The following RASGRF1 variants were observed in gnomAD, a reference collection of about 807,000 sequenced individuals.
RASGRF1 encodes ras-specific guanine nucleotide-releasing factor 1.
Under a neutral mutation model 138.7 loss-of-function variants are expected in RASGRF1, and 40 were observed. The observed-to-expected ratio is 0.29, with a 90% CI of 0.22 to 0.38. The LOEUF is 0.38. Ranked by LOEUF, RASGRF1 falls within the 10% of genes least tolerant of loss-of-function variation. RASGRF1 has a pLI of 1.00. For missense variants in RASGRF1, 1,108 were observed against 1,650.4 expected (o/e 0.67, Z 5.69); for synonymous variants, 614 against 663.2 (o/e 0.93, Z 1.14).
At chr15:79,029,574 A>G (rs1448469856) in intron 8 of RASGRF1, among the ~76,000 whole-genome samples, 1 of 152,088 alleles carries the variant, frequency 6.6e-6, no homozygotes, top group East Asian at 1.9e-4. Flanking sequence ...AGCCCTGGAA[A>G]TGATGATTTG....
chr15:78,975,391 G>C (rs1384031896), intron 24 of RASGRF1, among the ~76,000 whole-genome samples: 2 of 126,588 alleles, frequency 1.6e-5, no homozygotes, highest in Non-Finnish European at 3.2e-5. Flanking sequence ...TGTGCTTTGT[G>C]ATTAAAAAAA....
intron 11 of RASGRF1, among the ~76,000 whole-genome samples, chr15:79,018,982 A>G (rs1323961333): frequency 6.6e-6 from 1 of 152,120 alleles, no homozygotes; most frequent in African/African-American, 2.4e-5. Context: ...CCCTTGGGGA[A>G]CCACTTGATT....
At chr15:78,965,138 G>A (rs1452831480) in intron 26 of RASGRF1, among the ~76,000 whole-genome samples, 1 of 152,198 alleles carries the variant, frequency 6.6e-6, no homozygotes, top group African/African-American at 2.4e-5. Flanking sequence ...AGGATCATGG[G>A]TTTCTTACTA....
At chr15:79,056,560 G>A (rs1595946646) in intron 3 of RASGRF1, among the ~76,000 whole-genome samples, 1 of 152,182 alleles carries the variant, frequency 6.6e-6, no homozygotes, top group Admixed American at 6.5e-5. Flanking sequence ...GTGTGAGCTT[G>A]GGCAAGTGAC....
At chr15:79,066,541 G>T (rs1264507771) in intron 1 of RASGRF1, among the ~76,000 whole-genome samples, 1 of 152,224 alleles carries the variant, frequency 6.6e-6, no homozygotes, top group Non-Finnish European at 1.5e-5. Context: ...CCCATTGCTG[G>T]GACCACAGCA....
At chr15:79,042,923 G>C (rs1013041379) in intron 5 of RASGRF1, among the ~76,000 whole-genome samples, 1 of 152,242 alleles carries the variant, frequency 6.6e-6, no homozygotes, top group Non-Finnish European at 1.5e-5. Context: ...TAGAGCTTAA[G>C]AGAGTGAAGC....
intron 13 of RASGRF1, among the ~76,000 whole-genome samples, chr15:79,010,258 G>A (rs1045463809): frequency 6.6e-6 from 1 of 151,922 alleles, no homozygotes; most frequent in African/African-American, 2.4e-5. Flanking sequence ...GGCTGGCCTC[G>A]ACCTCCTGAC....
chr15:78,984,162 G>A (rs2056097969), intron 23 of RASGRF1, among the ~76,000 whole-genome samples: 1 of 152,160 alleles, frequency 6.6e-6, no homozygotes, highest in Non-Finnish European at 1.5e-5. Flanking sequence ...ATGAGACAGG[G>A]CCCTTGGAGC....
intron 3 of RASGRF1, among the ~76,000 whole-genome samples, chr15:79,057,715 T>TG (rs770467031): frequency 2.6e-5 from 4 of 152,140 alleles, no homozygotes; most frequent in South Asian, 2.1e-4. Flanking sequence ...AGATCTGGGG[T>TG]GGGGCCTGAG....
chr15:79,003,727 A>C, intron 15 of RASGRF1, 75 bp downstream of exon 15: 1 of 1,514,456 alleles, frequency 6.6e-7, no homozygotes, highest in Non-Finnish European at 8.8e-7. Context: ...AGCAGCCCTG[A>C]GGCCTTGCTG....
intron 1 of RASGRF1, among the ~76,000 whole-genome samples, chr15:79,085,840 G>T (rs1231154194): frequency 1.3e-5 from 2 of 152,174 alleles, no homozygotes; most frequent in Non-Finnish European, 2.9e-5. Context: ...CCTACCACAG[G>T]CCTGACACCA....
intron 1 of RASGRF1, among the ~76,000 whole-genome samples, chr15:79,080,735 G>A (rs2057903659): frequency 6.6e-6 from 1 of 152,090 alleles, no homozygotes; most frequent in Non-Finnish European, 1.5e-5. Context: ...CATGTTTCAG[G>A]GGAAAGAAAT....
At chr15:78,980,754 G>C in intron 23 of RASGRF1, 55 bp from the exon 24 acceptor site, 1 of 1,370,170 alleles carries the variant, frequency 7.3e-7, no homozygotes, top group Non-Finnish European at 1.0e-6. Context: ...GATCCCCGAG[G>C]CCCGGGGATC....
At chr15:79,081,189 G>A in intron 1 of RASGRF1, among the ~76,000 whole-genome samples, 1 of 152,310 alleles carries the variant, frequency 6.6e-6, no homozygotes, top group East Asian at 1.9e-4. Flanking sequence ...GCCCCAGAGG[G>A]CATGGGGCAG....
intron 1 of RASGRF1, among the ~76,000 whole-genome samples, chr15:79,086,615 G>A (rs545649445): frequency 1.3e-5 from 2 of 152,000 alleles, no homozygotes; most frequent in South Asian, 2.1e-4. Flanking sequence ...ACAACATCAG[G>A]TTCTGAGGTT....
chr15:79,021,788 G>A (rs1278174111), intron 10 of RASGRF1, among the ~76,000 whole-genome samples: 2 of 152,140 alleles, frequency 1.3e-5, no homozygotes, highest in East Asian at 1.9e-4. Context: ...GGTAGTATCC[G>A]TCTCAGTGGG....
intron 5 of RASGRF1, among the ~76,000 whole-genome samples, chr15:79,038,895 T>C (rs1336300377): frequency 6.6e-6 from 1 of 152,208 alleles, no homozygotes; most frequent in Non-Finnish European, 1.5e-5. Flanking sequence ...TGGTGTACGA[T>C]ATGAATAAGG....
intron 22 of RASGRF1, among the ~76,000 whole-genome samples, chr15:78,989,258 C>A (rs373386324): frequency 6.6e-6 from 1 of 152,148 alleles, no homozygotes. Flanking sequence ...CAGAGTCAGT[C>A]CAGGCCCTTT....
chr15:79,033,616 G>T (rs1433261771), intron 6 of RASGRF1, among the ~76,000 whole-genome samples: 1 of 113,668 alleles, frequency 8.8e-6, no homozygotes, highest in Non-Finnish European at 1.7e-5. Flanking sequence ...ATAGAGTCTC[G>T]TTCTGTTGCC....
Sources: gnomAD v4.1 joint callset for allele counts (sites outside exome capture counted in the v4.1 genomes callset) on GRCh38, gnomAD v4.1.1 for gene constraint, MANE v1.5 for transcripts, NCBI Gene and HGNC (gene_info 2026-07-23, HGNC 2026-07-21) for gene names.